IL19: variants seen among roughly 807,000 people sequenced by gnomAD.
The protein encoded by IL19 is interleukin-19.
Under a neutral mutation model 19.5 loss-of-function variants are expected in IL19, and 15 were observed. That is an observed-to-expected ratio of 0.77 (90% CI 0.52 to 1.19). The LOEUF (loss-of-function observed/expected upper bound fraction) is 1.19, where lower values mean the gene tolerates loss of function less well. IL19 is among the 50% of genes most tolerant of loss of function. The pLI is 0.00. For synonymous variants in IL19, 78 were observed against 78.3 expected, an observed-to-expected ratio of 1.00 and a Z score of 0.02; for missense variants, 199 against 213.1, an observed-to-expected ratio of 0.93 and a Z score of 0.41.
chr1:206,823,569 C>A (rs895689446), intron 2 of IL19, among the ~76,000 whole-genome samples: 1 of 151,334 alleles, frequency 6.6e-6, no homozygotes, highest in Non-Finnish European at 1.5e-5. Flanking sequence ...AAAAAGACAC[C>A]AAGACACCAA....
Position 206,778,761 on chromosome 1 carries a change from C to T in IL19, c.-149+7683C>T, listed in dbSNP as rs760133884. 4.6e-5 allele frequency among the ~76,000 whole-genome samples: 7 copies of T among 152,226 alleles called. No homozygotes were observed. In the South Asian group the frequency reaches 6.2e-4, roughly 14 times the overall value. On this transcript the variant is annotated intron_variant, in intron 1 of 6. Transcript: ENST00000659997. ...GTTTCACCTTCATCCAGTGCACCCT[C>T]GCTCAGTAAATGGAACTATCAATTA...
intron 1 of IL19, among the ~76,000 whole-genome samples, chr1:206,793,245 G>A (rs1168258263): frequency 2.0e-5 from 3 of 152,222 alleles, no homozygotes; most frequent in Non-Finnish European, 4.4e-5. Context: ...CTTCATCTCA[G>A]GGAGCTGGTT....
intron 2 of IL19, among the ~76,000 whole-genome samples, chr1:206,829,481 C>CG (rs757059515): frequency 2.0e-5 from 3 of 151,912 alleles, no homozygotes; most frequent in Non-Finnish European, 4.4e-5. Flanking sequence ...GGTGAGGCAG[C>CG]GGGGCTTTCT....
chr1:206,772,352 G>A lies in IL19; in HGVS notation c.-149+1274G>A, dbSNP rs945097885. The A allele has an allele frequency of 1.9e-6, 3 of 1,614,066 alleles. No individual in the cohort carries two copies. Among genetic ancestry groups the A allele is most frequent in the Non-Finnish European group, 2.5e-6 (3 of 1,180,000 alleles). ...GGTTGCCTGGGAAGTGGGTGCAGCTGTTCTCAGACTGGGTGCCCTGGCCTG... is the reference window on the plus strand; with the variant it reads ...GGTTGCCTGGGAAGTGGGTGCAGCTATTCTCAGACTGGGTGCCCTGGCCTG... On this transcript the variant is annotated intron_variant, in intron 1 of 6. Transcript: ENST00000659997.
At chr1:206,781,554 C>CCCA (rs1368460558) in intron 1 of IL19, among the ~76,000 whole-genome samples, 1 of 151,788 alleles carries the variant, frequency 6.6e-6, no homozygotes, top group Non-Finnish European at 1.5e-5. Flanking sequence ...CTCAATCCTC[C>CCCA]CCATACTCCG....
intron 4 of IL19, among the ~76,000 whole-genome samples, chr1:206,838,622 A>C (rs1676881401): frequency 1.3e-5 from 2 of 152,176 alleles, no homozygotes; most frequent in Admixed American, 1.3e-4. Flanking sequence ...AGAGTTAGGA[A>C]CAGACCCCCA....
intron 2 of IL19, among the ~76,000 whole-genome samples, chr1:206,821,664 C>CTGCA (rs1436673438): frequency 2.6e-5 from 4 of 152,268 alleles, no homozygotes; most frequent in African/African-American, 9.6e-5. Flanking sequence ...TTGTCTTCCA[C>CTGCA]TGCAGCAGGT....
intron 1 of IL19, chr1:206,772,212 G>A (rs1674870961): frequency 1.4e-6 from 2 of 1,467,350 alleles, no homozygotes; most frequent in African/African-American, 2.8e-5. Context: ...AGTTCCAGGA[G>A]AATGTCTAGT....
intron 1 of IL19, among the ~76,000 whole-genome samples, chr1:206,777,432 G>A (rs1675039260): frequency 6.7e-6 from 1 of 150,198 alleles, no homozygotes. Context: ...AAAAGAATCT[G>A]CCTCCCAGCT....
At chr1:206,828,070 G>A (rs929345478) in intron 2 of IL19, among the ~76,000 whole-genome samples, 2 of 3,700 alleles carry the variant, frequency 5.4e-4, no homozygotes, top group Non-Finnish European at 1.8e-3. Flanking sequence ...TTTAGTCTAT[G>A]AATTTTGTTA....
intron 2 of IL19, among the ~76,000 whole-genome samples, chr1:206,810,269 T>C (rs977411244): frequency 6.6e-6 from 1 of 152,210 alleles, no homozygotes; most frequent in Non-Finnish European, 1.5e-5. Context: ...GAGCTAGCTC[T>C]TGTAACTGGA....
At chr1:206,811,366 C>T (rs1163962134) in intron 2 of IL19, among the ~76,000 whole-genome samples, 1 of 150,790 alleles carries the variant, frequency 6.6e-6, no homozygotes, top group East Asian at 2.0e-4. Context: ...ATGGCGAGAA[C>T]CCAGGAGGTG....
intron 2 of IL19, among the ~76,000 whole-genome samples, chr1:206,802,235 T>G (rs1675731142): frequency 6.6e-6 from 1 of 152,206 alleles, no homozygotes; most frequent in Admixed American, 6.5e-5. Context: ...TCCATTAGAC[T>G]TTAAAACACA....
At chr1:206,831,418 A>T (rs1283660829) in intron 2 of IL19, among the ~76,000 whole-genome samples, 2 of 152,314 alleles carry the variant, frequency 1.3e-5, no homozygotes, top group East Asian at 3.9e-4. Flanking sequence ...TGGAGACCAG[A>T]TTCATAATTG....
chr1:206,839,315 G>C (rs150545482), intron 4 of IL19, among the ~76,000 whole-genome samples: 89 of 152,304 alleles, frequency 5.8e-4, no homozygotes, highest in African/African-American at 2.0e-3. Context: ...TGAGCAGTGT[G>C]GTCCAGAGTA....
At chr1:206,785,035 T>G (rs1249447767) in intron 1 of IL19, among the ~76,000 whole-genome samples, 1 of 152,122 alleles carries the variant, frequency 6.6e-6, no homozygotes, top group African/African-American at 2.4e-5. Context: ...TGCTACGGGC[T>G]TTGAAGTATT....
intron 1 of IL19, among the ~76,000 whole-genome samples, chr1:206,788,101 C>T (rs1675308368): frequency 6.6e-6 from 1 of 152,202 alleles, no homozygotes; most frequent in Non-Finnish European, 1.5e-5. Flanking sequence ...TATTCATCTT[C>T]ACGATCCCGG....
intron 2 of IL19, among the ~76,000 whole-genome samples, chr1:206,819,310 G>T (rs1297276458): frequency 6.6e-6 from 1 of 151,958 alleles, no homozygotes; most frequent in Non-Finnish European, 1.5e-5. Flanking sequence ...ACTGGGCTGG[G>T]TACAGTAGCT....
intron 2 of IL19, among the ~76,000 whole-genome samples, chr1:206,836,349 C>T (rs547196318): frequency 6.6e-6 from 1 of 150,886 alleles, no homozygotes; most frequent in African/African-American, 2.4e-5. Context: ...ACAAAGTAGG[C>T]TGTGTTGAGT....
Sources: allele counts gnomAD v4.1 joint callset (sites outside exome capture counted in the v4.1 genomes callset), GRCh38; gene constraint gnomAD v4.1.1; transcripts MANE v1.5; gene names NCBI Gene and HGNC (gene_info 2026-07-23, HGNC 2026-07-21).